SUCO: variants seen among roughly 807,000 people sequenced by gnomAD.
SUCO encodes SUN domain-containing ossification factor.
A neutral mutation model predicts 148.1 loss-of-function variants in SUCO; 57 were observed. The ratio of observed to expected loss-of-function variants is 0.38; its 90% CI spans 0.31 to 0.48. The LOEUF (loss-of-function observed/expected upper bound fraction) is 0.48. Ranked by LOEUF, SUCO falls within the 20% of genes least tolerant of loss-of-function variation. The pLI is 0.96. For missense variants in SUCO, 1,331 were observed against 1,468.2 expected (o/e 0.91, Z 1.53); for synonymous variants, 470 against 502.7 (o/e 0.93, Z 0.87).
At chr1:172,550,939 G>T (rs756794948) in intron 1 of SUCO, 12 of 894,854 alleles carry the variant, frequency 1.3e-5, no homozygotes, top group Non-Finnish European at 1.6e-5. Context: ...AATAATTGTG[G>T]TATATTTCTC....
At chr1:172,593,477 A>T (rs1045191369) in intron 19 of SUCO, among the ~76,000 whole-genome samples, 4 of 152,220 alleles carry the variant, frequency 2.6e-5, no homozygotes, top group African/African-American at 9.6e-5. Context: ...GAGAGTTTTT[A>T]GCATGAAGGG....
At chr1:172,592,358 A>G (rs1167156369) in intron 19 of SUCO, among the ~76,000 whole-genome samples, 4 of 152,184 alleles carry the variant, frequency 2.6e-5, no homozygotes, top group Non-Finnish European at 5.9e-5. Context: ...GCCTATGCCT[A>G]TGTGCTGAAT....
At chr1:172,554,880 AT>A (rs1210559310) in intron 3 of SUCO, among the ~76,000 whole-genome samples, 2 of 152,078 alleles carry the variant, frequency 1.3e-5, no homozygotes, top group Non-Finnish European at 2.9e-5. Context: ...GACTATTTAT[AT>A]TTTTTTGTGA....
intron 22 of SUCO, chr1:172,603,051 T>G (rs571957350): frequency 2.7e-4 from 89 of 330,804 alleles, no homozygotes; most frequent in African/African-American, 1.8e-3. Context: ...TAGAAGTATT[T>G]CTTTTTAGAA....
At chr1:172,540,245 C>T (rs1047090116) in intron 1 of SUCO, among the ~76,000 whole-genome samples, 2 of 152,124 alleles carry the variant, frequency 1.3e-5, no homozygotes, top group African/African-American at 2.4e-5. Context: ...GCTGTGCTGC[C>T]AGTTGGCTGG....
rs368543747 is a variant in SUCO, at chr1:172,591,043, A to C, written c.2885A>C (p.Gln962Pro). Residue 962 changes from glutamine to proline, a missense_variant, in exon 19 of 24, where the codon CAG becomes CCG. Transcript: ENST00000263688. ...TTCAATAAAACAATCGTGAAACTTC[A>C]GAATACTTCAAGAATAGCAGAGGAG... is the stretch of plus-strand genomic sequence containing the variant. ...KAFNKTIVKLQNTSRIAEEQD... is the reference protein window; with the variant it reads ...KAFNKTIVKLPNTSRIAEEQD... 1.9e-6 allele frequency: 3 copies of C among 1,612,088 alleles called. No individual in the cohort carries two copies. In the African/African-American group the frequency reaches 4.0e-5, roughly 22 times the overall value.
Position 172,551,503 on chromosome 1 carries a change from GTT to G in SUCO, c.63-6_63-5del. On this transcript the variant is annotated splice_polypyrimidine_tract_variant and splice_region_variant and intron_variant, in intron 1 of 23. Coordinates refer to ENST00000263688, the MANE Select transcript of SUCO (RefSeq NM_014283.5). Reference sequence around the variant, plus strand: ...TTTCTGTTTGTTGGTGGTGGTGGGTGTTTTACAGGCTTCCCAGCTGGCGTGTA... The same window carrying G: ...TTTCTGTTTGTTGGTGGTGGTGGGTGTTACAGGCTTCCCAGCTGGCGTGTA... 6.4e-7 allele frequency: 1 copy of G among 1,566,958 alleles called. No homozygotes were observed. The highest frequency in any genetic ancestry group is 1.8e-5 in the Admixed American group (1 of 54,214).
intron 15 of SUCO, among the ~76,000 whole-genome samples, chr1:172,582,165 A>G (rs1279757761): frequency 6.6e-6 from 1 of 152,158 alleles, no homozygotes; most frequent in Non-Finnish European, 1.5e-5. Flanking sequence ...AAATCACCCT[A>G]TCTGCTAAAG....
chr1:172,580,217 C>G (rs1655785533), intron 15 of SUCO, among the ~76,000 whole-genome samples: 1 of 152,066 alleles, frequency 6.6e-6, no homozygotes, highest in Non-Finnish European at 1.5e-5. Context: ...TCCTTGCCTT[C>G]TTCCCCCTCC....
At chr1:172,602,433 C>T in intron 21 of SUCO, 1 of 982,904 alleles carries the variant, frequency 1.0e-6, no homozygotes, top group Non-Finnish European at 1.2e-6. Flanking sequence ...ATAGTAAGTG[C>T]ATGAAACCCC....
intron 11 of SUCO, among the ~76,000 whole-genome samples, chr1:172,576,181 A>G (rs1655424421): frequency 6.6e-6 from 1 of 151,732 alleles, no homozygotes; most frequent in African/African-American, 2.4e-5. Flanking sequence ...TAAAATTATC[A>G]CTTTTGAATT....
intron 3 of SUCO, among the ~76,000 whole-genome samples, chr1:172,554,365 A>G (rs994295706): frequency 3.9e-5 from 6 of 152,194 alleles, no homozygotes; most frequent in East Asian, 1.9e-4. Flanking sequence ...TTGTATACCT[A>G]TGTTGTTCAT....
At chr1:172,585,753 C>A in intron 16 of SUCO, 105 bp from the exon 17 acceptor site, 1 of 709,230 alleles carries the variant, frequency 1.4e-6, no homozygotes, top group South Asian at 2.3e-5. Flanking sequence ...AGTAGCAAAC[C>A]TATTTGGCTT....
intron 11 of SUCO, among the ~76,000 whole-genome samples, chr1:172,576,509 A>G (rs1655450199): frequency 6.6e-6 from 1 of 151,642 alleles, no homozygotes; most frequent in Admixed American, 6.6e-5. Flanking sequence ...AGTTAATTCA[A>G]AATTATTAGT....
rs1656821663 is a variant in SUCO, at chr1:172,593,394, T to C, written c.2913+2323T>C. On this transcript the variant is annotated intron_variant, in intron 19 of 23. Transcript: ENST00000263688. ...GCTTCCAGTTTTTGTCCATTCAGTA[T>C]GATATTGGCTGTGGGTTTGTCATAA... is the stretch of plus-strand genomic sequence containing the variant. 2.6e-5 allele frequency among the ~76,000 whole-genome samples: 4 copies of C among 152,236 alleles called. No homozygotes were observed. The South Asian group carries it at 8.3e-4, about 31-fold the overall frequency.
chr1:172,581,452 A>G (rs1655877818), intron 15 of SUCO, among the ~76,000 whole-genome samples: 1 of 152,186 alleles, frequency 6.6e-6, no homozygotes, highest in Non-Finnish European at 1.5e-5. Context: ...ATAAGACTTT[A>G]TTGTCATAAA....
chr1:172,542,361 A>G (rs997262676), intron 1 of SUCO, among the ~76,000 whole-genome samples: 2 of 152,130 alleles, frequency 1.3e-5, no homozygotes, highest in African/African-American at 4.8e-5. Context: ...CAGCCTGGTC[A>G]ACAAGAGCGA....
intron 19 of SUCO, chr1:172,599,445 T>C: frequency 1.2e-6 from 1 of 832,734 alleles, no homozygotes; most frequent in Non-Finnish European, 1.4e-6. Flanking sequence ...AAATAAGACA[T>C]CTTTGTTGAT....
intron 23 of SUCO, chr1:172,609,362 G>C (rs1658066022): frequency 1.0e-6 from 1 of 981,930 alleles, no homozygotes; most frequent in Admixed American, 6.2e-5. Flanking sequence ...CTTGGGCTTT[G>C]TAGGCAAATA....
Sources: allele counts gnomAD v4.1 joint callset (sites outside exome capture counted in the v4.1 genomes callset), GRCh38; gene constraint gnomAD v4.1.1; transcripts MANE v1.5; gene names NCBI Gene and HGNC (gene_info 2026-07-23, HGNC 2026-07-21).